The following MLLT1 variants were observed in gnomAD, a reference collection of about 807,000 sequenced individuals.
MLLT1 encodes protein ENL.
A neutral mutation model predicts 55.1 loss-of-function variants in MLLT1; 11 were observed. The observed-to-expected ratio is 0.20, with a 90% CI of 0.13 to 0.33. MLLT1 has a LOEUF of 0.33. Among genes scored for constraint, MLLT1 ranks in the 10% least tolerant of loss-of-function variants. The pLI is 1.00. For synonymous variants in MLLT1, 323 were observed against 320.1 expected (o/e 1.01, Z -0.10); for missense variants, 536 against 760.6 (o/e 0.70, Z 3.47).
intron 1 of MLLT1, among the ~76,000 whole-genome samples, chr19:6,276,280 G>C (rs1345208414): frequency 6.6e-6 from 1 of 152,168 alleles, no homozygotes; most frequent in Non-Finnish European, 1.5e-5. Context: ...GTAATTCGGA[G>C]CTTTTCGGGC....
At chr19:6,237,279 G>C (rs1278057022) in intron 3 of MLLT1, among the ~76,000 whole-genome samples, 1 of 152,154 alleles carries the variant, frequency 6.6e-6, no homozygotes, top group African/African-American at 2.4e-5. Flanking sequence ...ACCCCACCTG[G>C]AGGACACCCA....
In MLLT1 at chr19:6,230,179, G is replaced by A. The variant is rs190841709; in HGVS notation, c.420+391C>T. ...GGTCCCAGAGCTGGCACTGTCGTCTGGCCTCCCGAAGTCAGAGGTGATGGC... is the reference window on the plus strand; with the variant it reads ...GGTCCCAGAGCTGGCACTGTCGTCTAGCCTCCCGAAGTCAGAGGTGATGGC... On this transcript the variant is annotated intron_variant, in intron 4 of 11. Coordinates refer to ENST00000252674, the MANE Select transcript of MLLT1 (RefSeq NM_005934.4). This position sits in a 1 kb window ranked among gnomAD's most constrained non-coding sequence, Gnocchi z 9.0. Among the ~76,000 whole-genome samples the A allele has an allele frequency of 1.1e-3, 170 of 152,320 alleles. 1 individual carries two copies. Among genetic ancestry groups the A allele is most frequent in the African/African-American group, 4.0e-3 (167 of 41,568 alleles).
chr19:6,269,182 A>G (rs1173941955), intron 2 of MLLT1, among the ~76,000 whole-genome samples: 2 of 152,248 alleles, frequency 1.3e-5, no homozygotes, highest in Non-Finnish European at 2.9e-5. Context: ...TGCACCAATA[A>G]AAACAGGCTG....
intron 1 of MLLT1, among the ~76,000 whole-genome samples, chr19:6,279,035 G>T (rs1367011153): frequency 6.6e-6 from 1 of 152,070 alleles, no homozygotes; most frequent in Non-Finnish European, 1.5e-5. Flanking sequence ...GAGAGAAAGG[G>T]ATGCCCTGGC....
At chr19:6,215,640 T>G (rs1005329103) in intron 8 of MLLT1, among the ~76,000 whole-genome samples, 1 of 152,194 alleles carries the variant, frequency 6.6e-6, no homozygotes, top group African/African-American at 2.4e-5. Flanking sequence ...GAGGCTCCCA[T>G]GCACCTTGCT....
At position 6,230,117 on chromosome 19, in the gene MLLT1, C is replaced by T. The variant is rs985241946; in HGVS notation, c.420+453G>A. Among the ~76,000 whole-genome samples the T allele has an allele frequency of 6.6e-6, 1 of 152,156 alleles. No individual in the cohort carries two copies. The highest frequency in any genetic ancestry group is 1.5e-5 in the Non-Finnish European group (1 of 68,020). On this transcript the variant is annotated intron_variant, in intron 4 of 11. Coordinates refer to ENST00000252674, the MANE Select transcript of MLLT1 (RefSeq NM_005934.4). This position sits in a 1 kb window ranked among gnomAD's most constrained non-coding sequence, Gnocchi z 9.0. ...CCGGAGGGCTCGACTCCAGCCACCG[C>T]ATGGGGGTCCCGGCCACACGACTCC...
rs191655090 is a variant in MLLT1, at chr19:6,262,212, C to T, written c.276+16G>A. 56 of 1,610,164 alleles carry T rather than the reference C, an allele frequency of 3.5e-5. 2 individuals carry two copies. In the East Asian group the frequency reaches 6.9e-4, roughly 20 times the overall value. ...CCACAGAGAGGCATCCTGCTTGCTC[C>T]CCTCAGGGATCCTACCTTGTTTTTG... On this transcript the variant is annotated intron_variant, in intron 3 of 11. Transcript: ENST00000252674. The surrounding 1 kb of genome is among the most constrained non-coding windows in gnomAD (Gnocchi z 4.4).
At chr19:6,214,100 C>G (rs1429065820) in intron 8 of MLLT1, 62 bp from the exon 9 acceptor site, 2 of 1,112,112 alleles carry the variant, frequency 1.8e-6, no homozygotes, top group Non-Finnish European at 2.4e-6. Context: ...ACCCCACCCC[C>G]AGGCTCAAGC....
At chr19:6,278,822 G>A (rs993161441) in intron 1 of MLLT1, among the ~76,000 whole-genome samples, 1 of 152,180 alleles carries the variant, frequency 6.6e-6, no homozygotes, top group Non-Finnish European at 1.5e-5. Flanking sequence ...AGGTGAAAGA[G>A]ACAGCCCCGC....
intron 2 of MLLT1, among the ~76,000 whole-genome samples, chr19:6,264,754 G>C (rs1183495236): frequency 6.6e-6 from 1 of 151,582 alleles, no homozygotes; most frequent in African/African-American, 2.4e-5. Context: ...AATTAGCCAG[G>C]CGTGGTGGTG....
At position 6,214,022 on chromosome 19, in the gene MLLT1, T is replaced by C. The variant is rs1256192093; in HGVS notation, c.1324A>G (p.Ser442Gly). 6.9e-7 allele frequency: 1 copy of C among 1,446,392 alleles called. No homozygotes were observed. The allele number at this position is 1,446,392 out of a possible 1,614,324, so 89.6% of individuals were successfully genotyped here. ...GRDSRLSFSDSESDNSADSSL... is the reference protein window; with the variant it reads ...GRDSRLSFSDGESDNSADSSL... ...GAGTCGGCGCTGTTGTCACTCTCGC[T>C]GTCGCTGAAGCTCAACCTGAACCGA... Residue 442 changes from serine to glycine, a missense_variant, in exon 9 of 12, where the codon AGC (serine) becomes GGC (glycine). By Grantham distance (56) the Ser-to-Gly change is moderately conservative. Around this residue, in one of 3 missense-constraint regions of MLLT1, gnomAD observed 449 missense variants for 489.0 expected, o/e 0.92. Transcript: ENST00000252674.
At position 6,226,869 on chromosome 19, in the gene MLLT1, G is replaced by T; in HGVS notation, c.546+108C>A. The stretch of plus-strand genomic sequence containing the variant: ...GCTCAAAGAGGAAGACGCCAAGGGA[G>T]CGAGCAGGTGCGGAAGGCCCAGCCC... On this transcript the variant is annotated intron_variant, in intron 5 of 11. Transcript: ENST00000252674. This position sits in a 1 kb window ranked among gnomAD's most constrained non-coding sequence, Gnocchi z 6.3. 1 of 854,148 alleles carries T rather than the reference G, an allele frequency of 1.2e-6. No homozygotes were observed. The highest frequency in any genetic ancestry group is 1.7e-6 in the Non-Finnish European group (1 of 591,552). The allele number at this position is 854,148 out of a possible 1,614,324, so 52.9% of individuals were successfully genotyped here.
chr19:6,230,720 C>T lies in MLLT1; in HGVS notation c.277-7G>A. 2.5e-6 allele frequency: 4 copies of T among 1,613,932 alleles called. No homozygotes were observed. Among genetic ancestry groups the T allele is most frequent in the Non-Finnish European group, 3.4e-6 (4 of 1,179,980 alleles). ...AGACCTTCCTCGGCTCCTCCTGAAACAGAGAAAACAAGAAAGTCTGCATCA... is the reference window on the plus strand; with the variant it reads ...AGACCTTCCTCGGCTCCTCCTGAAATAGAGAAAACAAGAAAGTCTGCATCA... On this transcript the variant is annotated splice_polypyrimidine_tract_variant and splice_region_variant and intron_variant, in intron 3 of 11. Transcript: ENST00000252674. This position sits in a 1 kb window ranked among gnomAD's most constrained non-coding sequence, Gnocchi z 9.0.
In MLLT1 at chr19:6,212,688, G is replaced by A; in HGVS notation, c.*354C>T. Reference sequence around the variant, plus strand: ...CGATCCGCTGCTCAGAAAGGCTGGGGCAGCGACGCCGCACAGCCCGCCGAG... The same window carrying A: ...CGATCCGCTGCTCAGAAAGGCTGGGACAGCGACGCCGCACAGCCCGCCGAG... On this transcript the variant is annotated 3_prime_UTR_variant, in exon 12 of 12. Transcript: ENST00000252674. The A allele has an allele frequency of 8.9e-7, 1 of 1,120,388 alleles. No individual in the cohort carries two copies. The highest frequency in any genetic ancestry group is 1.6e-5 in the African/African-American group (1 of 61,790). 69.4% of individuals were successfully genotyped at this position (1,120,388 alleles called of 1,614,324 possible). A position where few individuals can be genotyped will look rare whatever the true frequency, so the allele number is the denominator to read the frequency against.
In MLLT1 at chr19:6,227,415, T is replaced by C. The variant is rs1277404538; in HGVS notation, c.421-313A>G. Among the ~76,000 whole-genome samples, 1 of 152,072 alleles carries C rather than the reference T, an allele frequency of 6.6e-6. No homozygotes were observed. Among genetic ancestry groups the C allele is most frequent in the African/African-American group, 2.4e-5 (1 of 41,422 alleles). ...GACTTGCGGAGCACACTGAGAATCA[T>C]GAGAAGGCAGCTGCGGCCGAAGCCT... On this transcript the variant is annotated intron_variant, in intron 4 of 11. Coordinates refer to ENST00000252674, the MANE Select transcript of MLLT1 (RefSeq NM_005934.4). The surrounding 1 kb of genome is among the most constrained non-coding windows in gnomAD (Gnocchi z 5.1).
intron 1 of MLLT1, among the ~76,000 whole-genome samples, chr19:6,277,963 C>G (rs760899355): frequency 7.2e-5 from 11 of 152,212 alleles, no homozygotes; most frequent in Non-Finnish European, 1.2e-4. Context: ...AAGAAGAAGG[C>G]AGCAACACCC....
At chr19:6,276,725 G>C (rs868658473) in intron 1 of MLLT1, among the ~76,000 whole-genome samples, 7 of 152,196 alleles carry the variant, frequency 4.6e-5, no homozygotes, top group Middle Eastern at 3.4e-3. Context: ...TAAGTGAGCA[G>C]GGAACTCGCT....
intron 4 of MLLT1, among the ~76,000 whole-genome samples, chr19:6,228,709 C>T (rs915668330): frequency 2.0e-5 from 3 of 152,266 alleles, no homozygotes; most frequent in Admixed American, 1.3e-4. Context: ...TGCCTGGTCC[C>T]GGGAAGCCCC....
chr19:6,212,825 G>A lies in MLLT1; in HGVS notation c.*217C>T. 1.1e-6 allele frequency: 1 copy of A among 893,628 alleles called. No homozygotes were observed. Among genetic ancestry groups the A allele is most frequent in the Non-Finnish European group, 1.6e-6 (1 of 637,782 alleles). The allele number at this position is 893,628 out of a possible 1,614,324, so 55.4% of individuals were successfully genotyped here. On this transcript the variant is annotated 3_prime_UTR_variant, in exon 12 of 12. Coordinates refer to ENST00000252674, the MANE Select transcript of MLLT1 (RefSeq NM_005934.4). ...GGGAGCCCAGAGAGCCCGGGGGGCGGCTCCCGTGTGGCCCAGCCCGGCCCC... is the reference window on the plus strand; with the variant it reads ...GGGAGCCCAGAGAGCCCGGGGGGCGACTCCCGTGTGGCCCAGCCCGGCCCC...
Sources: gnomAD v4.1 joint callset for allele counts (sites outside exome capture counted in the v4.1 genomes callset) on GRCh38, gnomAD v4.1.1 for gene constraint, gnomAD v4.1.1 regional missense constraint, Gnocchi (gnomAD v3.1) non-coding constraint, MANE v1.5 for transcripts, NCBI Gene and HGNC (gene_info 2026-07-23, HGNC 2026-07-21) for gene names.